The following RRP12 variants were observed in gnomAD, a reference collection of about 807,000 sequenced individuals.
The protein encoded by RRP12 is ribosomal RNA processing 12 homolog, also known as RRP12-like protein.
In RRP12, 78 loss-of-function variants were observed where a neutral mutation model predicts 157.3. That is an observed-to-expected ratio of 0.50 (90% CI 0.41 to 0.60). RRP12 has a LOEUF of 0.60. Ranked by LOEUF, RRP12 falls within the 20% of genes least tolerant of loss-of-function variation. The pLI, the probability that RRP12 is intolerant of heterozygous loss-of-function variation, is 0.00. For missense variants in RRP12, 1,521 were observed against 1,679.9 expected, an observed-to-expected ratio of 0.91 and a Z score of 1.65; for synonymous variants, 726 against 670.9, an observed-to-expected ratio of 1.08 and a Z score of -1.27.
In RRP12 at chr10:97,379,370, C is replaced by T. The variant is rs1269682294; in HGVS notation, c.1721G>A (p.Arg574Gln). 9 of 1,614,066 alleles carry T rather than the reference C, an allele frequency of 5.6e-6. No individual in the cohort carries two copies. The highest frequency in any genetic ancestry group is 2.2e-5 in the South Asian group (2 of 91,058). ...FPRSWLLPVI[R>Q]DHVQETRLGF... ...AAGTCGCGTTTCCTGAACATGGTCTCGGATGACAGGCAGCAGCCAGCTCCG... is the reference window on the plus strand; with the variant it reads ...AAGTCGCGTTTCCTGAACATGGTCTTGGATGACAGGCAGCAGCCAGCTCCG... Residue 574 changes from arginine to glutamine, a missense_variant, in exon 15 of 34, where the codon CGA becomes CAA. Physicochemically the swap from Arg to Gln is conservative, Grantham distance 43 (BLOSUM62 1). Coordinates refer to ENST00000370992, the MANE Select transcript of RRP12 (RefSeq NM_015179.4).
At chr10:97,370,650 T>C (rs954393639) in intron 22 of RRP12, 66 bp downstream of exon 22, 2 of 1,594,820 alleles carry the variant, frequency 1.3e-6, no homozygotes, top group African/African-American at 1.3e-5. Flanking sequence ...CTGCCCTCCC[T>C]GGATCCTGAG....
chr10:97,392,437 C>T (rs1011079886), intron 4 of RRP12, among the ~76,000 whole-genome samples: 6 of 152,200 alleles, frequency 3.9e-5, no homozygotes, highest in Admixed American at 3.3e-4. Flanking sequence ...GCAACCTCCA[C>T]ATTCTGTGTT....
At position 97,370,216 on chromosome 10, in the gene RRP12, C is replaced by T. The variant is rs1589417873; in HGVS notation, c.2748G>A (p.Met916Ile). 6.2e-7 allele frequency: 1 copy of T among 1,607,324 alleles called. No individual in the cohort carries two copies. The highest frequency in any genetic ancestry group is 2.2e-5 in the East Asian group (1 of 44,610). Residue 916 changes from methionine to isoleucine, a missense_variant, in exon 24 of 34, where the codon ATG becomes ATA. Physicochemically the swap from Met to Ile is conservative, Grantham distance 10. Coordinates refer to ENST00000370992, the MANE Select transcript of RRP12 (RefSeq NM_015179.4). Reference protein sequence around the residue: ...IYPGLVGAVTMVSCSILALTH... With the variant: ...IYPGLVGAVTIVSCSILALTH... ...TCAGGGCCAGGATGCTGCAGCTGAC[C>T]ATGGTCACCGCGCCCACCAGGCCAG...
At chr10:97,362,085 G>A (rs1315101938) in intron 30 of RRP12, among the ~76,000 whole-genome samples, 4 of 134,240 alleles carry the variant, frequency 3.0e-5, no homozygotes, top group Non-Finnish European at 6.3e-5. Flanking sequence ...CCAGCCTGGC[G>A]AAAAAGTGAG....
chr10:97,387,976 A>C, intron 8 of RRP12: 1 of 297,860 alleles, frequency 3.4e-6, no homozygotes, highest in Non-Finnish European at 6.1e-6. Flanking sequence ...AAATTGGTAT[A>C]GGGTACATAG....
chr10:97,389,347 C>G (rs944079263), intron 6 of RRP12, among the ~76,000 whole-genome samples: 2 of 152,128 alleles, frequency 1.3e-5, no homozygotes, highest in African/African-American at 4.8e-5. Context: ...CCCGCCTCGG[C>G]CTCCCAAAGT....
intron 23 of RRP12, 83 bp downstream of exon 23, chr10:97,370,372 A>C: frequency 7.4e-7 from 1 of 1,346,950 alleles, no homozygotes; most frequent in East Asian, 2.4e-5. Context: ...CAGGGCACAG[A>C]GCTCTCCCCA....
intron 10 of RRP12, 130 bp downstream of exon 10, chr10:97,385,036 C>A (rs11189187): frequency 4.6e-5 from 28 of 612,454 alleles, no homozygotes; most frequent in South Asian, 1.0e-4. Flanking sequence ...GCCCTAAGGA[C>A]CCCCCCAACC....
At position 97,371,525 on chromosome 10, in the gene RRP12, C is replaced by T. The variant is rs1023835189; in HGVS notation, c.2344-444G>A. 1.9e-5 allele frequency: 4 copies of T among 205,678 alleles called. No homozygotes were observed. In the Admixed American group the frequency reaches 2.1e-4, roughly 11 times the overall value. The allele number at this position is 205,678 out of a possible 1,614,324, so 12.7% of individuals were successfully genotyped here. A position where few individuals can be genotyped will look rare whatever the true frequency, so the allele number is the denominator to read the frequency against. ...GTGGCCTGGCCCTGGATTTCCATGT[C>T]CACCTGCAGTGCTGCCCCAGAGCAC... On this transcript the variant is annotated intron_variant, in intron 20 of 33. Transcript: ENST00000370992.
intron 32 of RRP12, 79 bp downstream of exon 32, chr10:97,358,864 G>A (rs886181150): frequency 8.2e-7 from 1 of 1,214,114 alleles, no homozygotes; most frequent in Non-Finnish European, 1.2e-6. Flanking sequence ...TCAGGACAGT[G>A]ATGGGCACAG....
intron 25 of RRP12, 58 bp downstream of exon 25, chr10:97,369,367 C>G: frequency 6.4e-7 from 1 of 1,561,900 alleles, no homozygotes; most frequent in Non-Finnish European, 8.7e-7. Context: ...CTTGCCAGGT[C>G]CATGCCAACA....
rs1045730966 is a variant in RRP12, at chr10:97,401,182, C to T, written c.50G>A (p.Arg17His). The T allele has an allele frequency of 2.5e-6, 4 of 1,614,044 alleles. No homozygotes were observed. Among genetic ancestry groups the T allele is most frequent in the African/African-American group, 2.7e-5 (2 of 74,936 alleles). The change falls in exon 1 of 34, where the codon CGC becomes CAC. Residue 17 changes from arginine to histidine, a missense_variant. Physicochemically the swap from Arg to His is conservative, Grantham distance 29 (BLOSUM62 0). Transcript: ENST00000370992. Reference sequence around the variant, plus strand: ...GTCGCTGCTGTGGCCTTTCTTCCAGCGCTTCAACTTAGCTGAGACACCAGA... The same window carrying T: ...GTCGCTGCTGTGGCCTTTCTTCCAGTGCTTCAACTTAGCTGAGACACCAGA... ...LPSGVSAKLK[R>H]WKKGHSSDSN...
In RRP12 at chr10:97,358,614, TG is replaced by T. The variant is rs1235377044; in HGVS notation, c.3713del (p.Ala1238GlufsTer5). On this transcript the variant is annotated frameshift_variant, in exon 33 of 34. Coordinates refer to ENST00000370992, the MANE Select transcript of RRP12 (RefSeq NM_015179.4). LOFTEE classifies it high-confidence loss of function. ...MPGAEYKAKK[A>X]KGDVKKKGRP... Reference sequence around the variant, plus strand: ...GGCCTTTCTTCTTCACATCACCTTTTGCTTTCTGCTTGCCCAGAGAAACAGA... The same window carrying T: ...GGCCTTTCTTCTTCACATCACCTTTTCTTTCTGCTTGCCCAGAGAAACAGA... 1 of 1,613,438 alleles carries T rather than the reference TG, an allele frequency of 6.2e-7. No homozygotes were observed. Among genetic ancestry groups the T allele is most frequent in the Non-Finnish European group, 8.5e-7 (1 of 1,179,580 alleles).
At chr10:97,397,413 C>T (rs140152884) in intron 2 of RRP12, among the ~76,000 whole-genome samples, 12 of 151,340 alleles carry the variant, frequency 7.9e-5, no homozygotes, top group African/African-American at 1.5e-4. Flanking sequence ...CTGCCCGCCT[C>T]GGCCTCCCAA....
chr10:97,399,896 C>T (rs1401915300), intron 2 of RRP12, among the ~76,000 whole-genome samples: 1 of 151,940 alleles, frequency 6.6e-6, no homozygotes, highest in Non-Finnish European at 1.5e-5. Flanking sequence ...CCAGCCTGGC[C>T]AACAGAACGA....
In RRP12 at chr10:97,358,997, G is replaced by A. The variant is rs773310601; in HGVS notation, c.3654C>T (p.Gly1218=). Reference sequence around the variant, plus strand: ...CCTTCTTGGCCACAGGGCGATGAATGCCAGAGCCTCCAGCTACGGGGAGAA... The same window carrying A: ...CCTTCTTGGCCACAGGGCGATGAATACCAGAGCCTCCAGCTACGGGGAGAA... ...IPPQYQAGGS[G]IHRPVAKKAM... The change falls in exon 32 of 34, where the codon GGC becomes GGT. Residue 1218 remains glycine (G), a synonymous_variant. Transcript: ENST00000370992. The A allele has an allele frequency of 5.6e-6, 9 of 1,613,780 alleles. No individual in the cohort carries two copies. Among genetic ancestry groups the A allele is most frequent in the South Asian group, 3.3e-5 (3 of 91,068 alleles).
intron 12 of RRP12, 80 bp from the exon 13 acceptor site, chr10:97,380,993 C>A: frequency 8.7e-7 from 1 of 1,144,922 alleles, no homozygotes; most frequent in South Asian, 1.3e-5. Flanking sequence ...GGCCAGCACC[C>A]TGAGCTACAG....
intron 29 of RRP12, among the ~76,000 whole-genome samples, chr10:97,364,376 A>T (rs1432869234): frequency 6.6e-6 from 1 of 152,102 alleles, no homozygotes; most frequent in Non-Finnish European, 1.5e-5. Context: ...GACCAATTGG[A>T]GGGAAGAGAA....
chr10:97,369,283 C>A lies in RRP12; in HGVS notation c.2955+142G>T. 2.1e-5 allele frequency: 18 copies of A among 839,462 alleles called. 1 individual carries two copies. The highest frequency in any genetic ancestry group is 3.3e-5 in the Non-Finnish European group (18 of 544,064). 52.0% of individuals were successfully genotyped at this position (839,462 alleles called of 1,614,324 possible). ...TCGCCTCCACCTGACAGGCATTCCC[C>A]TATGGTCCCTTTTAGGGCTCCTTAA... On this transcript the variant is annotated intron_variant, in intron 25 of 33. Transcript: ENST00000370992.
Sources: allele counts gnomAD v4.1 joint callset (sites outside exome capture counted in the v4.1 genomes callset), GRCh38; gene constraint gnomAD v4.1.1; transcripts MANE v1.5; gene names NCBI Gene and HGNC (gene_info 2026-07-23, HGNC 2026-07-21).